Variants in WWOX observed in about 807,000 individuals in gnomAD.
WWOX encodes WW domain containing oxidoreductase.
A neutral mutation model predicts 46.2 loss-of-function variants in WWOX; 69 were observed. The ratio of observed to expected loss-of-function variants is 1.49; its 90% CI spans 1.23 to 1.82. The LOEUF is 1.82. WWOX is among the 40% of genes most tolerant of loss of function. The pLI is 0.00. For synonymous variants in WWOX, 359 were observed against 202.6 expected, an observed-to-expected ratio of 1.77 and a Z score of -6.56; for missense variants, 919 against 542.6, an observed-to-expected ratio of 1.69 and a Z score of -6.89.
At chr16:78,524,976 G>T (rs1036166685) in intron 8 of WWOX, among the ~76,000 whole-genome samples, 2 of 147,194 alleles carry the variant, frequency 1.4e-5, no homozygotes, top group Admixed American at 1.4e-4. Context: ...AGCAATCTTC[G>T]TGTTTCAGCC....
chr16:78,161,886 G>T lies in WWOX; in HGVS notation c.410-2297G>T, dbSNP rs557732883. 5.9e-5 allele frequency among the ~76,000 whole-genome samples: 9 copies of T among 152,104 alleles called. No homozygotes were observed. In the South Asian group the frequency reaches 1.7e-3, roughly 28 times the overall value. On this transcript the variant is annotated intron_variant, in intron 4 of 8. Transcript: ENST00000566780. ...TTCCTGGAGAAGACAAGAACCTTAG[G>T]ATACTTTGCTTCCATTACTCACCTC... is the stretch of plus-strand genomic sequence containing the variant.
chr16:78,525,473 C>T (rs2043442745), intron 8 of WWOX: 1 of 152,172 alleles, frequency 6.6e-6, no homozygotes, highest in Non-Finnish European at 1.5e-5. Context: ...GCATTAGCCA[C>T]CACACCCGGC....
intron 8 of WWOX, among the ~76,000 whole-genome samples, chr16:78,942,463 C>T (rs561116490): frequency 1.3e-5 from 2 of 152,066 alleles, no homozygotes; most frequent in South Asian, 2.1e-4. Context: ...GTCTGTTGCC[C>T]CAAATAATCA....
chr16:78,106,935 G>C (rs778367441), intron 1 of WWOX, among the ~76,000 whole-genome samples: 16 of 152,214 alleles, frequency 1.1e-4, no homozygotes, highest in Non-Finnish European at 1.9e-4. Context: ...CAGGTCTTCA[G>C]CGTGCTGAGT....
chr16:78,965,296 C>T (rs547827520), intron 8 of WWOX, among the ~76,000 whole-genome samples: 108 of 152,234 alleles, frequency 7.1e-4, no homozygotes, highest in Non-Finnish European at 1.0e-3. Flanking sequence ...TGGCCAGACA[C>T]GGTGGCTCAT....
At chr16:78,462,571 G>A (rs1039887441) in intron 8 of WWOX, among the ~76,000 whole-genome samples, 7 of 152,210 alleles carry the variant, frequency 4.6e-5, no homozygotes, top group African/African-American at 1.4e-4. Flanking sequence ...CAGCCGCCGT[G>A]CTGAGCGCTC....
At chr16:78,893,645 T>G (rs2044638585) in intron 8 of WWOX, among the ~76,000 whole-genome samples, 1 of 152,204 alleles carries the variant, frequency 6.6e-6, no homozygotes. Context: ...TTTTCTTCCT[T>G]GCCTGGGAGA....
chr16:78,813,611 G>A (rs2051255321), intron 8 of WWOX, among the ~76,000 whole-genome samples: 1 of 152,102 alleles, frequency 6.6e-6, no homozygotes, highest in African/African-American at 2.4e-5. Flanking sequence ...TCCTGTGTGT[G>A]TGTTCATCAC....
At chr16:78,852,236 G>C (rs1212145197) in intron 8 of WWOX, among the ~76,000 whole-genome samples, 1 of 152,152 alleles carries the variant, frequency 6.6e-6, no homozygotes, top group East Asian at 1.9e-4. Context: ...TCACTTCCTG[G>C]GTTTTACATT....
chr16:78,589,087 C>T (rs1235967928), intron 8 of WWOX, among the ~76,000 whole-genome samples: 1 of 152,194 alleles, frequency 6.6e-6, no homozygotes, highest in Admixed American at 6.5e-5. Flanking sequence ...CACTGTTGTA[C>T]TTGTTTCTCC....
At chr16:78,664,924 C>G (rs1191729691) in intron 8 of WWOX, among the ~76,000 whole-genome samples, 1 of 152,198 alleles carries the variant, frequency 6.6e-6, no homozygotes, top group Non-Finnish European at 1.5e-5. Context: ...TTGGCTCTGT[C>G]ATGTGTCAGC....
At chr16:78,198,478 A>G (rs535179791) in intron 5 of WWOX, among the ~76,000 whole-genome samples, 1 of 152,302 alleles carries the variant, frequency 6.6e-6, no homozygotes, top group African/African-American at 2.4e-5. Flanking sequence ...TTGTTCCTTC[A>G]ATAAATACTG....
chr16:78,460,804 T>C (rs1397931), intron 8 of WWOX, among the ~76,000 whole-genome samples: 42,804 of 152,204 alleles, frequency 0.28, 7,336 homozygotes, highest in African/African-American at 0.49. Flanking sequence ...AAATACTAAA[T>C]GAATACTCTA....
intron 8 of WWOX, among the ~76,000 whole-genome samples, chr16:78,877,093 G>C (rs1400752853): frequency 1.3e-5 from 2 of 152,136 alleles, no homozygotes. Flanking sequence ...AGGTCAGTGG[G>C]TTCAGTAAGG....
At chr16:79,199,734 G>A (rs1386004337) in intron 8 of WWOX, among the ~76,000 whole-genome samples, 1 of 152,136 alleles carries the variant, frequency 6.6e-6, no homozygotes, top group African/African-American at 2.4e-5. Flanking sequence ...GGGTGTACTG[G>A]TAGAGGACAG....
chr16:79,015,568 A>G (rs1442330507), intron 8 of WWOX, among the ~76,000 whole-genome samples: 1 of 152,054 alleles, frequency 6.6e-6, no homozygotes, highest in Non-Finnish European at 1.5e-5. Flanking sequence ...GTCCTGGTTC[A>G]ACTCATGAGG....
At chr16:78,169,194 C>T (rs76929282) in intron 5 of WWOX, among the ~76,000 whole-genome samples, 3,696 of 152,234 alleles carry the variant, frequency 0.024, 138 homozygotes, top group African/African-American at 0.084. Flanking sequence ...AAGCACCTAT[C>T]GTTTTCCTGT....
intron 8 of WWOX, among the ~76,000 whole-genome samples, chr16:78,620,411 C>G (rs903483875): frequency 6.6e-6 from 1 of 152,152 alleles, no homozygotes; most frequent in African/African-American, 2.4e-5. Context: ...TCTGTATCAA[C>G]TGGAAAAAAC....
chr16:78,995,762 C>A lies in WWOX; in HGVS notation c.1057-215846C>A, dbSNP rs527294425. Among the ~76,000 whole-genome samples, 13 of 152,186 alleles carry A rather than the reference C, an allele frequency of 8.5e-5. No homozygotes were observed. In the East Asian group the frequency reaches 2.5e-3, roughly 29 times the overall value. ...ATCACTATAAAAATGTTTATGAACC[C>A]TGCAATTTACTGTCTTTTATATGCA... is the stretch of plus-strand genomic sequence containing the variant. On this transcript the variant is annotated intron_variant, in intron 8 of 8. Coordinates refer to ENST00000566780, the MANE Select transcript of WWOX (RefSeq NM_016373.4).
Sources: allele counts gnomAD v4.1 joint callset (sites outside exome capture counted in the v4.1 genomes callset), GRCh38; gene constraint gnomAD v4.1.1; transcripts MANE v1.5; gene names NCBI Gene and HGNC (gene_info 2026-07-23, HGNC 2026-07-21).